Variants in FAM120A observed in about 807,000 individuals in gnomAD.
FAM120A encodes the protein constitutive coactivator of PPAR-gamma-like protein 1.
In FAM120A, 15 loss-of-function variants were observed where a neutral mutation model predicts 109.7. The ratio of observed to expected loss-of-function variants is 0.14; its 90% CI spans 0.09 to 0.21. FAM120A has a LOEUF of 0.21. Ranked by LOEUF, FAM120A falls within the 10% of genes least tolerant of loss-of-function variation. The pLI, the probability that FAM120A is intolerant of heterozygous loss-of-function variation, is 1.00. For synonymous variants in FAM120A, 493 were observed against 572.8 expected (o/e 0.86, Z 1.99); for missense variants, 899 against 1,439.3 (o/e 0.62, Z 6.07).
chr9:93,471,419 G>C, intron 2 of FAM120A, 32 bp downstream of exon 2: 1 of 1,611,816 alleles, frequency 6.2e-7, no homozygotes. Flanking sequence ...TATTTTATAA[G>C]GGAGTGACCA....
Position 93,500,301 on chromosome 9 carries a change from C to T in FAM120A, c.1030+1415C>T, listed in dbSNP as rs1859744319. Among the ~76,000 whole-genome samples, 1 of 152,250 alleles carries T rather than the reference C, an allele frequency of 6.6e-6. No homozygotes were observed. Among genetic ancestry groups the T allele is most frequent in the African/African-American group, 2.4e-5 (1 of 41,466 alleles). The stretch of plus-strand genomic sequence containing the variant: ...CATCTGAGACTGCTGGCTTCTCACT[C>T]CTGAGCGCAGCCTCCTTTCTTGCCT... On this transcript the variant is annotated intron_variant, in intron 5 of 17. Transcript: ENST00000277165. The surrounding 1 kb of genome is among the most constrained non-coding windows in gnomAD (Gnocchi z 4.6).
intron 3 of FAM120A, among the ~76,000 whole-genome samples, chr9:93,496,198 T>C (rs749488519): frequency 2.6e-5 from 4 of 152,160 alleles, no homozygotes; most frequent in Non-Finnish European, 5.9e-5. Context: ...TTCACGAGGG[T>C]TGGAATCAAC....
chr9:93,556,710 G>T, intron 13 of FAM120A, 119 bp downstream of exon 13: 1 of 1,016,192 alleles, frequency 9.8e-7, no homozygotes, highest in South Asian at 1.5e-5. Flanking sequence ...TTTTAGGTTG[G>T]GCCTGGTACT....
intron 8 of FAM120A, 60 bp from the exon 9 acceptor site, chr9:93,529,293 T>C (rs1861222928): frequency 6.9e-7 from 1 of 1,453,300 alleles, no homozygotes; most frequent in Non-Finnish European, 9.3e-7. Flanking sequence ...CTACCATACT[T>C]TAAATGAATG....
At chr9:93,541,982 G>A (rs1861717963) in intron 10 of FAM120A, among the ~76,000 whole-genome samples, 1 of 152,232 alleles carries the variant, frequency 6.6e-6, no homozygotes, top group Admixed American at 6.5e-5. Flanking sequence ...TAGACTCAGA[G>A]TGGAACTGGA....
chr9:93,463,539 C>G (rs1857886684), intron 1 of FAM120A, among the ~76,000 whole-genome samples: 1 of 152,116 alleles, frequency 6.6e-6, no homozygotes, highest in Non-Finnish European at 1.5e-5. Flanking sequence ...TGTTCTTATT[C>G]TTCAGTTGGA....
intron 3 of FAM120A, among the ~76,000 whole-genome samples, chr9:93,485,716 C>T (rs1042736394): frequency 7.3e-5 from 11 of 151,586 alleles, no homozygotes; most frequent in African/African-American, 2.7e-4. Flanking sequence ...TCTTCCTGGC[C>T]CTCTTGCTGT....
At chr9:93,540,641 G>A (rs1040611494) in intron 10 of FAM120A, among the ~76,000 whole-genome samples, 2 of 152,120 alleles carry the variant, frequency 1.3e-5, no homozygotes, top group Non-Finnish European at 1.5e-5. Flanking sequence ...ACAGCACCAG[G>A]CCAGGCTCAT....
intron 1 of FAM120A, among the ~76,000 whole-genome samples, chr9:93,455,492 A>AT (rs1350549467): frequency 2.6e-5 from 4 of 152,168 alleles, no homozygotes; most frequent in Non-Finnish European, 5.9e-5. Context: ...TCATATGATA[A>AT]TTTTTTTAAG....
Position 93,562,292 on chromosome 9 carries a change from G to A in FAM120A, c.3033G>A (p.Gln1011=). Residue 1011 remains glutamine (Q), a synonymous_variant, in exon 17 of 18, where the codon CAG becomes CAA. Transcript: ENST00000277165. ...ACTATGGCAGAGGTTACAAAAACCA[G>A]GCAGCAATTCAGGTAAGAAGACAAC... is the stretch of plus-strand genomic sequence containing the variant. ...GRYYGRGYKN[Q]AAIQGRPPYA... 17 of 1,613,876 alleles carry A rather than the reference G, an allele frequency of 1.1e-5. No individual in the cohort carries two copies. The highest frequency in any genetic ancestry group is 1.4e-5 in the Non-Finnish European group (17 of 1,179,744).
intron 3 of FAM120A, 56 bp from the exon 4 acceptor site, chr9:93,497,415 T>G: frequency 1.3e-6 from 2 of 1,595,726 alleles, no homozygotes; most frequent in Non-Finnish European, 1.7e-6. Flanking sequence ...GCATTCAGAT[T>G]AGCCTGGTAC....
intron 12 of FAM120A, 84 bp from the exon 13 acceptor site, chr9:93,556,298 C>CT: frequency 8.7e-7 from 1 of 1,153,448 alleles, no homozygotes; most frequent in Non-Finnish European, 1.3e-6. Context: ...ATTCTGTTAA[C>CT]TTTGGAGAGT....
Position 93,541,600 on chromosome 9 carries a change from T to C in FAM120A, c.1910-1622T>C, listed in dbSNP as rs530586288. ...TGATGGACTTTAAGCATTTGGAGTG[T>C]TTGAAATATTCCTTTAACATCTAAA... On this transcript the variant is annotated intron_variant, in intron 10 of 17. Coordinates refer to ENST00000277165, the MANE Select transcript of FAM120A (RefSeq NM_014612.5). Among the ~76,000 whole-genome samples, 4 of 152,368 alleles carry C rather than the reference T, an allele frequency of 2.6e-5. No homozygotes were observed. In the East Asian group the frequency reaches 7.7e-4, roughly 29 times the overall value.
chr9:93,557,921 C>T lies in FAM120A; in HGVS notation c.2579C>T (p.Pro860Leu). 2 of 1,610,928 alleles carry T rather than the reference C, an allele frequency of 1.2e-6. No homozygotes were observed. The highest frequency in any genetic ancestry group is 1.7e-6 in the Non-Finnish European group (2 of 1,179,982). The stretch of plus-strand genomic sequence containing the variant: ...AGCCACACGCTCCCTTTCCCGCCGC[C>T]ACCTGCCCTGCCCTTCTACCCTGCC... ...RQSHTLPFPP[P>L]PALPFYPASA... The change falls in exon 14 of 18, where the codon CCA becomes CTA. Residue 860 changes from proline (P) to leucine (L), a missense_variant. Around this residue, in one of 11 missense-constraint regions of FAM120A, gnomAD observed 129 missense variants for 153.4 expected, o/e 0.84. Transcript: ENST00000277165.
chr9:93,549,031 A>G (rs1378661002), intron 11 of FAM120A, among the ~76,000 whole-genome samples: 1 of 152,182 alleles, frequency 6.6e-6, no homozygotes, highest in Non-Finnish European at 1.5e-5. Flanking sequence ...CCACAGAGCA[A>G]GACTCCATCT....
intron 3 of FAM120A, among the ~76,000 whole-genome samples, chr9:93,485,307 G>A (rs1858993575): frequency 6.6e-6 from 1 of 152,102 alleles, no homozygotes; most frequent in Admixed American, 6.5e-5. Context: ...CAGAAACAGA[G>A]GGCTTGTGCT....
chr9:93,523,337 G>T, intron 7 of FAM120A: 1 of 1,289,248 alleles, frequency 7.8e-7, no homozygotes, highest in Non-Finnish European at 1.0e-6. Context: ...ATTCCATCGT[G>T]CTCTGCTCCA....
Position 93,452,043 on chromosome 9 carries a change from C to T in FAM120A, c.128C>T (p.Pro43Leu), listed in dbSNP as rs1857254834. 6.3e-7 allele frequency: 1 copy of T among 1,576,170 alleles called. No individual in the cohort carries two copies. Among genetic ancestry groups the T allele is most frequent in the Non-Finnish European group, 8.6e-7 (1 of 1,161,654 alleles). ...GGGCGGCAGCGGCCCCCGCAGACCCCGCTGCGCCTGCTGGTGGACGCCGAC... is the reference window on the plus strand; with the variant it reads ...GGGCGGCAGCGGCCCCCGCAGACCCTGCTGCGCCTGCTGGTGGACGCCGAC... ...GGGRQRPPQT[P>L]LRLLVDADNC... is the part of the protein sequence containing the mutation. The change falls in exon 1 of 18, where the codon CCG becomes CTG. Residue 43 changes from proline (P) to leucine (L), a missense_variant. Around this residue, in one of 11 missense-constraint regions of FAM120A, gnomAD observed 258 missense variants for 451.4 expected, o/e 0.57. Transcript: ENST00000277165. This position sits in a 1 kb window ranked among gnomAD's most constrained non-coding sequence, Gnocchi z 7.0.
rs1861371513 is a variant in FAM120A at position 93,532,627 on chromosome 9, C to T, written c.1909+298C>T. ...AGCAGACTTGAATTGCCGCCACTCTCTGTAATTACCACGTCTTGGTAATCA... is the reference window on the plus strand; with the variant it reads ...AGCAGACTTGAATTGCCGCCACTCTTTGTAATTACCACGTCTTGGTAATCA... On this transcript the variant is annotated intron_variant, in intron 10 of 17. Coordinates refer to ENST00000277165, the MANE Select transcript of FAM120A (RefSeq NM_014612.5). The surrounding 1 kb of genome is among the most constrained non-coding windows in gnomAD (Gnocchi z 4.3). The T allele has an allele frequency of 2.8e-6, 1 of 360,614 alleles. No individual in the cohort carries two copies. Among genetic ancestry groups the T allele is most frequent in the South Asian group, 2.6e-5 (1 of 37,950 alleles). The allele number at this position is 360,614 out of a possible 1,614,324, so 22.3% of individuals were successfully genotyped here. A position where few individuals can be genotyped will look rare whatever the true frequency, so the allele number is the denominator to read the frequency against.
Sources: allele counts gnomAD v4.1 joint callset (sites outside exome capture counted in the v4.1 genomes callset), GRCh38; gene constraint gnomAD v4.1.1; regional missense constraint gnomAD v4.1.1; non-coding constraint Gnocchi (gnomAD v3.1); transcripts MANE v1.5; gene names NCBI Gene and HGNC (gene_info 2026-07-23, HGNC 2026-07-21).